Variants in CHL1 observed in about 807,000 individuals in gnomAD.
The protein encoded by CHL1 is neural cell adhesion molecule L1-like protein.
In CHL1, 96 loss-of-function variants were observed where a neutral mutation model predicts 141.9. That is an observed-to-expected ratio of 0.68 (90% CI 0.57 to 0.80). The LOEUF (loss-of-function observed/expected upper bound fraction) is 0.80, where lower values mean the gene tolerates loss of function less well. Among genes scored for constraint, CHL1 ranks in the 30% least tolerant of loss-of-function variants. The pLI is 0.00. For missense variants in CHL1, 1,820 were observed against 1,457.2 expected (o/e 1.25, Z -4.05); for synonymous variants, 613 against 502.2 (o/e 1.22, Z -2.95).
chr3:320,779 G>A (rs73009511), intron 3 of CHL1, among the ~76,000 whole-genome samples: 14,395 of 152,074 alleles, frequency 0.095, 982 homozygotes, highest in East Asian at 0.33. Context: ...AGATCTTGCA[G>A]ATTTTTCTTG....
chr3:314,673 T>C (rs1700030818), intron 2 of CHL1, among the ~76,000 whole-genome samples: 1 of 151,894 alleles, frequency 6.6e-6, no homozygotes, highest in South Asian at 2.1e-4. Flanking sequence ...ATGGGGATGA[T>C]GGGCAAAATG....
At chr3:206,791 C>G (rs1364951819) in intron 1 of CHL1, among the ~76,000 whole-genome samples, 1 of 152,182 alleles carries the variant, frequency 6.6e-6, no homozygotes, top group Non-Finnish European at 1.5e-5. Context: ...TGAAACTTCA[C>G]TCTCATTATC....
intron 5 of CHL1, among the ~76,000 whole-genome samples, chr3:330,457 G>C (rs985264864): frequency 1.3e-5 from 2 of 151,934 alleles, no homozygotes; most frequent in African/African-American, 4.8e-5. Context: ...CTAATTTAAG[G>C]CAACAGAATA....
intron 4 of CHL1, among the ~76,000 whole-genome samples, chr3:327,186 C>G (rs1201854317): frequency 6.6e-6 from 1 of 151,740 alleles, no homozygotes; most frequent in Non-Finnish European, 1.5e-5. Context: ...GAATACATGT[C>G]CATTGAAGGT....
Position 393,156 on chromosome 3 carries a change from C to A in CHL1, c.2914+1359C>A, listed in dbSNP as rs573164230. 8.0e-4 allele frequency among the ~76,000 whole-genome samples: 119 copies of A among 148,466 alleles called. 1 individual carries two copies. Among genetic ancestry groups the A allele is most frequent in the African/African-American group, 2.7e-3 (111 of 40,490 alleles). On this transcript the variant is annotated intron_variant, in intron 23 of 27. Transcript: ENST00000256509. ...GCTGAGGCAGGAGAATGGCGTGAAC[C>A]CGGGAGGCAGAGCTTGCGGTGAGCT... is the stretch of plus-strand genomic sequence containing the variant.
At chr3:361,898 G>A (rs1425763331) in intron 13 of CHL1, 88 bp downstream of exon 13, 11 of 924,724 alleles carry the variant, frequency 1.2e-5, no homozygotes, top group Non-Finnish European at 2.0e-5. Context: ...AGGCTGTATT[G>A]TGTCTATATT....
At chr3:265,654 C>A (rs897155970) in intron 2 of CHL1, among the ~76,000 whole-genome samples, 1 of 152,144 alleles carries the variant, frequency 6.6e-6, no homozygotes, top group Admixed American at 6.5e-5. Context: ...CTGTGATCCT[C>A]ATATTCATTC....
chr3:217,363 A>G (rs1363314497), intron 1 of CHL1, among the ~76,000 whole-genome samples: 2 of 152,148 alleles, frequency 1.3e-5, no homozygotes, highest in Admixed American at 1.3e-4. Context: ...AACAAATCCC[A>G]GGCACTGTGA....
At chr3:230,136 G>A (rs1014758905) in intron 1 of CHL1, among the ~76,000 whole-genome samples, 3 of 152,180 alleles carry the variant, frequency 2.0e-5, no homozygotes, top group African/African-American at 7.2e-5. Context: ...GCTTCAAAAA[G>A]GGCTTGTTTC....
intron 2 of CHL1, among the ~76,000 whole-genome samples, chr3:302,744 T>A (rs2124915651): frequency 6.6e-6 from 1 of 152,328 alleles, no homozygotes. Flanking sequence ...GCTCTTTAGT[T>A]TAATTAGATC....
intron 22 of CHL1, among the ~76,000 whole-genome samples, chr3:391,446 G>A (rs951016449): frequency 6.6e-6 from 1 of 152,120 alleles, no homozygotes; most frequent in Non-Finnish European, 1.5e-5. Flanking sequence ...AACCCGGGAG[G>A]CGGAGGTTGC....
intron 2 of CHL1, among the ~76,000 whole-genome samples, chr3:271,505 T>C (rs1317096672): frequency 3.3e-5 from 5 of 152,208 alleles, no homozygotes; most frequent in Non-Finnish European, 7.3e-5. Context: ...TAGCTCTTAT[T>C]ATTTACTCAT....
Position 399,068 on chromosome 3 carries a change from T to C in CHL1, c.3305T>C (p.Leu1102Pro). The change falls in exon 26 of 28, where the codon CTG becomes CCG. Residue 1102 changes from leucine (L) to proline (P), a missense_variant. Transcript: ENST00000256509. ...DISTQGWFIG[L>P]MCAIALLTLL... ...TCCACTCAAGGCTGGTTTATTGGAC[T>C]GATGTGTGCGATTGCTCTTCTCACA... The C allele has an allele frequency of 6.2e-7, 1 of 1,610,076 alleles. No homozygotes were observed. The highest frequency in any genetic ancestry group is 1.1e-5 in the South Asian group (1 of 90,996).
intron 5 of CHL1, among the ~76,000 whole-genome samples, chr3:334,355 T>G (rs984641999): frequency 6.6e-6 from 1 of 152,132 alleles, no homozygotes; most frequent in Non-Finnish European, 1.5e-5. Flanking sequence ...TTTTAGTAAT[T>G]TTTTTAGTGA....
chr3:353,700 AT>A (rs1413266765), intron 10 of CHL1, among the ~76,000 whole-genome samples: 4 of 152,230 alleles, frequency 2.6e-5, no homozygotes, highest in African/African-American at 7.2e-5. Flanking sequence ...ATATTTTTTC[AT>A]TGTATACATA....
chr3:366,684 C>CAAA lies in CHL1; in HGVS notation c.1751+585_1751+587dup, dbSNP rs1167579521. Among the ~76,000 whole-genome samples the CAAA allele has an allele frequency of 2.3e-4, 20 of 86,508 alleles. 3 individuals are homozygous for CAAA. Among genetic ancestry groups the CAAA allele is most frequent in the Admixed American group, 7.6e-4 (6 of 7,944 alleles). The allele number at this position is 86,508 out of a possible 152,430, so 56.8% of individuals were successfully genotyped here. On this transcript the variant is annotated intron_variant, in intron 15 of 27. Coordinates refer to ENST00000256509, the MANE Select transcript of CHL1 (RefSeq NM_006614.4). ...AGAATTGCATGGGCTTGGATGGTTG[C>CAAA]AAAAAAAAAAAAAAAAAACTGGAGG...
chr3:326,793 A>AT (rs1448913733), intron 4 of CHL1, among the ~76,000 whole-genome samples: 1 of 151,906 alleles, frequency 6.6e-6, no homozygotes, highest in Non-Finnish European at 1.5e-5. Context: ...CTGCATGATT[A>AT]TCTTATATTC....
chr3:250,760 C>G lies in CHL1; in HGVS notation c.-95+6068C>G, dbSNP rs549117207. Among the ~76,000 whole-genome samples, 60 of 152,092 alleles carry G rather than the reference C, an allele frequency of 3.9e-4. 1 individual carries two copies. The highest frequency in any genetic ancestry group is 1.4e-3 in the African/African-American group (58 of 41,496). On this transcript the variant is annotated intron_variant, in intron 2 of 27. Transcript: ENST00000256509. The stretch of plus-strand genomic sequence containing the variant: ...TTTATTATATTCTCCTGTCATTATG[C>G]TTTGTATATTTTATGACATTTTAAA...
rs1356969505 is a variant in CHL1 at position 344,575 on chromosome 3, T to A, written c.728-14T>A. The stretch of plus-strand genomic sequence containing the variant: ...AATTTGAAAAAATTCTGACTTTTCT[T>A]TTCTATTTTGTAGCAAATTCCATCA... On this transcript the variant is annotated splice_polypyrimidine_tract_variant and intron_variant, in intron 8 of 27. Transcript: ENST00000256509. 1.3e-6 allele frequency: 2 copies of A among 1,597,844 alleles called. No individual in the cohort carries two copies. The highest frequency in any genetic ancestry group is 1.7e-6 in the Non-Finnish European group (2 of 1,174,094).
Sources: gnomAD v4.1 joint callset for allele counts (sites outside exome capture counted in the v4.1 genomes callset) on GRCh38, gnomAD v4.1.1 for gene constraint, MANE v1.5 for transcripts, NCBI Gene and HGNC (gene_info 2026-07-23, HGNC 2026-07-21) for gene names.